Variants in SLC23A1 observed in about 807,000 individuals in gnomAD.
The protein encoded by SLC23A1 is solute carrier family 23 member 1.
A neutral mutation model predicts 62.5 loss-of-function variants in SLC23A1; 31 were observed. The ratio of observed to expected loss-of-function variants is 0.50; its 90% confidence interval spans 0.37 to 0.67. The LOEUF is 0.67. Ranked by LOEUF, SLC23A1 falls within the 30% of genes least tolerant of loss-of-function variation. SLC23A1 has a pLI of 0.00. For missense variants in SLC23A1, 640 were observed against 782.7 expected, an observed-to-expected ratio of 0.82 and a Z score of 2.18; for synonymous variants, 271 against 313.2, an observed-to-expected ratio of 0.87 and a Z score of 1.42.
chr5:139,381,878 G>A lies in SLC23A1; in HGVS notation c.308+14C>T, dbSNP rs751127704. On this transcript the variant is annotated intron_variant, in intron 3 of 14. Transcript: ENST00000348729. ...GGGGTGGCGGGGGACGGGTTGGGGG[G>A]CTGGGCGGCTCACCGGATGCCCACG... 7 of 1,545,918 alleles carry A rather than the reference G, an allele frequency of 4.5e-6. No individual in the cohort carries two copies. The highest frequency in any genetic ancestry group is 5.2e-6 in the Non-Finnish European group (6 of 1,143,606).
chr5:139,380,343 C>A lies in SLC23A1; in HGVS notation c.512G>T (p.Gly171Val). 1 of 1,611,996 alleles carries A rather than the reference C, an allele frequency of 6.2e-7. No homozygotes were observed. The highest frequency in any genetic ancestry group is 8.5e-7 in the Non-Finnish European group (1 of 1,179,166). ...CAGGGCCCCAGGCAGCCCCAGCAGG[C>A]CAATCACCACCTCCACCACGCTGGA... ...MVSSVVEVVIGLLGLPGALLN... is the reference protein window; with the variant it reads ...MVSSVVEVVIVLLGLPGALLN... The change falls in exon 6 of 15, where the codon GGC (glycine) becomes GTC (valine). Residue 171 changes from glycine to valine, a missense_variant. Physicochemically the swap from Gly to Val is moderately radical, Grantham distance 109. Transcript: ENST00000348729.
chr5:139,377,175 C>G (rs1757986926), intron 13 of SLC23A1, among the ~76,000 whole-genome samples: 1 of 152,094 alleles, frequency 6.6e-6, no homozygotes, highest in Admixed American at 6.6e-5. Flanking sequence ...TCACAGGACC[C>G]AGCAGTGACT....
chr5:139,381,913 A>G lies in SLC23A1; in HGVS notation c.287T>C (p.Ile96Thr). ...TCACCGGATGCCCACGGTGGTCTGGATGAGAGTGGTGATGCCCACGCACGT... is the reference window on the plus strand; with the variant it reads ...TCACCGGATGCCCACGGTGGTCTGGGTGAGAGTGGTGATGCCCACGCACGT... ...IFTCVGITTLIQTTVGIRLPL... is the reference protein window; with the variant it reads ...IFTCVGITTLTQTTVGIRLPL... The change falls in exon 3 of 15, where the codon ATC becomes ACC. Residue 96 changes from isoleucine to threonine, a missense_variant. Transcript: ENST00000348729. 2.6e-6 allele frequency: 4 copies of G among 1,567,318 alleles called. No homozygotes were observed. Among genetic ancestry groups the G allele is most frequent in the South Asian group, 2.3e-5 (2 of 85,162 alleles).
chr5:139,378,677 A>G lies in SLC23A1; in HGVS notation c.1081T>C (p.Phe361Leu), dbSNP rs1162047629. Residue 361 changes from phenylalanine to leucine, a missense_variant, in exon 10 of 15, where the codon TTC becomes CTC. Transcript: ENST00000348729. The surrounding 1 kb of genome is among the most constrained non-coding windows in gnomAD (Gnocchi z 4.5). ...PPVHAINRGI[F>L]TEGICCIIAG... is the part of the protein sequence containing the mutation. ...ATGATGCAGCAAATGCCTTCGGTGAAGATGCCCCTGTAAGGAAAGGGAGAG... is the reference window on the plus strand; with the variant it reads ...ATGATGCAGCAAATGCCTTCGGTGAGGATGCCCCTGTAAGGAAAGGGAGAG... 6.2e-7 allele frequency: 1 copy of G among 1,607,540 alleles called. No homozygotes were observed. Among genetic ancestry groups the G allele is most frequent in the African/African-American group, 1.3e-5 (1 of 74,822 alleles).
Position 139,382,570 on chromosome 5 carries a change from G to A in SLC23A1, c.72C>T (p.Pro24=), listed in dbSNP as rs1758328765. 6.2e-7 allele frequency: 1 copy of A among 1,613,414 alleles called. No homozygotes were observed. Among genetic ancestry groups the A allele is most frequent in the African/African-American group, 1.3e-5 (1 of 75,016 alleles). ...ACAACATGTCAAACTTAGGCTCTGT[G>A]GGTAGCGGGGTCGAGGGGTCCCTGG... ...ETTRDPSTPL[P]TEPKFDMLYK... is the part of the protein sequence containing the mutation. Residue 24 remains proline, a synonymous_variant, in exon 2 of 15, where the codon CCC becomes CCT. Coordinates refer to ENST00000348729, the MANE Select transcript of SLC23A1 (RefSeq NM_005847.5).
rs1265113664 is a variant in SLC23A1, at chr5:139,382,062, A to T, written c.151-13T>A. ...ATGTCAGGTAGTGCTGGGCAGAGGG[A>T]GACAGCAGAGTGCATGAGGCAGGAC... On this transcript the variant is annotated splice_polypyrimidine_tract_variant and intron_variant, in intron 2 of 14. Transcript: ENST00000348729. 6.2e-7 allele frequency: 1 copy of T among 1,603,674 alleles called. No individual in the cohort carries two copies.
At chr5:139,372,591 T>A (rs1302745563) in intron 13 of SLC23A1, among the ~76,000 whole-genome samples, 1 of 152,114 alleles carries the variant, frequency 6.6e-6, no homozygotes, top group Non-Finnish European at 1.5e-5. Flanking sequence ...TTTATTTTAT[T>A]TATTTATTTT....
intron 14 of SLC23A1, among the ~76,000 whole-genome samples, chr5:139,368,400 G>A (rs1027909591): frequency 1.3e-5 from 2 of 151,592 alleles, no homozygotes; most frequent in Non-Finnish European, 2.9e-5. Context: ...GTGGTGGCAC[G>A]CGCCTGTAGT....
intron 14 of SLC23A1, chr5:139,368,722 T>G: frequency 1.2e-6 from 2 of 1,606,768 alleles, no homozygotes; most frequent in Non-Finnish European, 1.7e-6. Context: ...TTTTATGTAC[T>G]TATTTTCCAG....
At chr5:139,371,873 G>C in intron 14 of SLC23A1, 114 bp downstream of exon 14, 1 of 799,924 alleles carries the variant, frequency 1.3e-6, no homozygotes, top group South Asian at 1.7e-5. Context: ...TCTCTTTGAG[G>C]ACATTCAAAC....
chr5:139,372,381 C>T (rs1296659789), intron 13 of SLC23A1, 128 bp from the exon 14 acceptor site: 33 of 885,188 alleles, frequency 3.7e-5, no homozygotes, highest in South Asian at 1.2e-4. Context: ...GGTCCTAAAA[C>T]GTGGCTGAAT....
chr5:139,379,572 T>C lies in SLC23A1; in HGVS notation c.925+106A>G, dbSNP rs1448857219. 7 of 1,178,904 alleles carry C rather than the reference T, an allele frequency of 5.9e-6. No individual in the cohort carries two copies. Among genetic ancestry groups the C allele is most frequent in the East Asian group, 5.1e-5 (2 of 39,294 alleles). 73.0% of individuals were successfully genotyped at this position (1,178,904 alleles called of 1,614,324 possible). A position where few individuals can be genotyped will look rare whatever the true frequency, so the allele number is the denominator to read the frequency against. ...ACCACTCTGCTGGGCGCACTATAAA[T>C]GTGCGGCTAATGCTAGGTGTGTCAC... On this transcript the variant is annotated intron_variant, in intron 8 of 14. Coordinates refer to ENST00000348729, the MANE Select transcript of SLC23A1 (RefSeq NM_005847.5). The surrounding 1 kb of genome is among the most constrained non-coding windows in gnomAD (Gnocchi z 4.7).
In SLC23A1 at chr5:139,379,485, T is replaced by G. The variant is rs1758124926; in HGVS notation, c.926-131A>C. On this transcript the variant is annotated intron_variant, in intron 8 of 14. Transcript: ENST00000348729. This position sits in a 1 kb window ranked among gnomAD's most constrained non-coding sequence, Gnocchi z 4.7. ...GGCTGGGATGGGAGCTATACAGTTGTGGGAGCTTATTTGAGTCACTCAGAG... is the reference window on the plus strand; with the variant it reads ...GGCTGGGATGGGAGCTATACAGTTGGGGGAGCTTATTTGAGTCACTCAGAG... 1 of 1,071,224 alleles carries G rather than the reference T, an allele frequency of 9.3e-7. No homozygotes were observed. The highest frequency in any genetic ancestry group is 1.6e-5 in the African/African-American group (1 of 63,970). 66.4% of individuals were successfully genotyped at this position (1,071,224 alleles called of 1,614,324 possible).
intron 13 of SLC23A1, among the ~76,000 whole-genome samples, chr5:139,375,415 C>CG (rs1757898734): frequency 6.6e-6 from 1 of 152,208 alleles, no homozygotes; most frequent in African/African-American, 2.4e-5. Flanking sequence ...CCTGTACTCT[C>CG]AGCTCTTCAG....
chr5:139,381,817 G>A (rs1758276732), intron 3 of SLC23A1, 75 bp downstream of exon 3: 3 of 1,259,726 alleles, frequency 2.4e-6, no homozygotes, highest in South Asian at 1.4e-5. Flanking sequence ...TGTCCTCTGG[G>A]AGCCCACCTG....
At chr5:139,373,163 T>C (rs1418718815) in intron 13 of SLC23A1, among the ~76,000 whole-genome samples, 1 of 151,738 alleles carries the variant, frequency 6.6e-6, no homozygotes, top group African/African-American at 2.4e-5. Context: ...TGTTTTTTTG[T>C]GTTGTGTTTT....
At chr5:139,370,193 C>T (rs919234433) in intron 14 of SLC23A1, among the ~76,000 whole-genome samples, 5 of 152,116 alleles carry the variant, frequency 3.3e-5, no homozygotes, top group South Asian at 2.1e-4. Flanking sequence ...TTTTTGGAGA[C>T]GGAGTCCTGC....
intron 14 of SLC23A1, chr5:139,369,008 G>A: frequency 4.5e-6 from 2 of 443,928 alleles, no homozygotes; most frequent in Admixed American, 4.2e-5. Context: ...TTGGCCCCAT[G>A]GCTTGATGTG....
At chr5:139,382,906 G>A (rs1758347877) in intron 1 of SLC23A1, among the ~76,000 whole-genome samples, 1 of 152,220 alleles carries the variant, frequency 6.6e-6, no homozygotes, top group South Asian at 2.1e-4. Context: ...AGGAGAGGGG[G>A]CCAAGAGGGC....
Sources: allele counts gnomAD v4.1 joint callset (sites outside exome capture counted in the v4.1 genomes callset), GRCh38; gene constraint gnomAD v4.1.1; non-coding constraint Gnocchi (gnomAD v3.1); transcripts MANE v1.5; gene names NCBI Gene and HGNC (gene_info 2026-07-23, HGNC 2026-07-21).